Variants in SAE1 observed in about 807,000 individuals in gnomAD.
The protein encoded by SAE1 is SUMO1 activating enzyme subunit 1, also known as SUMO-activating enzyme subunit 1.
Under a neutral mutation model 40.6 loss-of-function variants are expected in SAE1, and 11 were observed. The ratio of observed to expected loss-of-function variants is 0.27; its 90% CI spans 0.17 to 0.45. SAE1 has a LOEUF of 0.45. Among genes scored for constraint, SAE1 ranks in the 20% least tolerant of loss-of-function variants. The pLI is 1.00. For missense variants in SAE1, 373 were observed against 427.3 expected, an observed-to-expected ratio of 0.87 and a Z score of 1.12; for synonymous variants, 155 against 154.3, an observed-to-expected ratio of 1.00 and a Z score of -0.03.
At chr19:47,188,261 G>A (rs2058556466) in intron 6 of SAE1, among the ~76,000 whole-genome samples, 2 of 152,022 alleles carry the variant, frequency 1.3e-5, no homozygotes, top group Non-Finnish European at 2.9e-5. Context: ...TGAGGCAGGA[G>A]GATCACTTGA....
At chr19:47,173,132 G>A (rs960424320) in intron 6 of SAE1, among the ~76,000 whole-genome samples, 2 of 152,106 alleles carry the variant, frequency 1.3e-5, no homozygotes, top group East Asian at 1.9e-4. Context: ...GGGTTCGAGC[G>A]ATTCTACAGG....
chr19:47,155,652 G>T (rs2058318100), intron 5 of SAE1, among the ~76,000 whole-genome samples: 1 of 151,894 alleles, frequency 6.6e-6, no homozygotes, highest in African/African-American at 2.4e-5. Flanking sequence ...ATGTTGGCCA[G>T]GCTGGTCTCG....
chr19:47,136,224 C>T (rs561254638), intron 1 of SAE1, among the ~76,000 whole-genome samples: 2 of 151,952 alleles, frequency 1.3e-5, no homozygotes, highest in South Asian at 4.2e-4. Flanking sequence ...GTACAATCTC[C>T]ACCTCCCAGG....
At chr19:47,168,375 C>A (rs1262745983) in intron 5 of SAE1, among the ~76,000 whole-genome samples, 3 of 151,898 alleles carry the variant, frequency 2.0e-5, no homozygotes, top group Non-Finnish European at 4.4e-5. Flanking sequence ...TACGATCTGG[C>A]TCACTGCAGC....
At chr19:47,157,130 C>T (rs911338896) in intron 5 of SAE1, among the ~76,000 whole-genome samples, 35 of 152,160 alleles carry the variant, frequency 2.3e-4, no homozygotes, top group African/African-American at 8.4e-4. Context: ...AGCAAGGCGG[C>T]GTTGGAGATT....
chr19:47,174,186 C>T (rs1428697139), intron 6 of SAE1, among the ~76,000 whole-genome samples: 2 of 152,004 alleles, frequency 1.3e-5, no homozygotes, highest in Non-Finnish European at 2.9e-5. Context: ...TTACCACTCT[C>T]TCCCAGATGG....
intron 6 of SAE1, among the ~76,000 whole-genome samples, chr19:47,175,706 C>T (rs1012154604): frequency 1.2e-4 from 18 of 152,178 alleles, no homozygotes; most frequent in Admixed American, 2.6e-4. Flanking sequence ...CACTGCACTC[C>T]AGCCTGGGCA....
At chr19:47,163,720 C>G (rs1016061606) in intron 5 of SAE1, among the ~76,000 whole-genome samples, 1 of 149,644 alleles carries the variant, frequency 6.7e-6, no homozygotes, top group African/African-American at 2.6e-5. Context: ...GAGCAAGACT[C>G]TATCTCAAAA....
At chr19:47,206,406 G>A (rs922325696) in intron 8 of SAE1, among the ~76,000 whole-genome samples, 7 of 152,212 alleles carry the variant, frequency 4.6e-5, no homozygotes, top group African/African-American at 1.7e-4. Context: ...TCTCTCCTGA[G>A]GCACTGTCTG....
intron 6 of SAE1, among the ~76,000 whole-genome samples, chr19:47,187,291 C>T (rs2058550237): frequency 1.3e-5 from 2 of 152,170 alleles, no homozygotes. Context: ...GTTCTGCACC[C>T]TAGCCCTCAG....
At chr19:47,174,542 A>G (rs1260600875) in intron 6 of SAE1, among the ~76,000 whole-genome samples, 5 of 141,558 alleles carry the variant, frequency 3.5e-5, no homozygotes, top group Non-Finnish European at 6.1e-5. Context: ...GATTACAGGC[A>G]TATGTCACCA....
chr19:47,142,384 TAA>T (rs371221556), intron 1 of SAE1: 357 of 140,348 alleles, frequency 2.5e-3, no homozygotes, highest in Non-Finnish European at 3.2e-3. Context: ...ACTCTGTCTT[TAA>T]AAAAAAAAAA....
chr19:47,175,065 A>G (rs1319719926), intron 6 of SAE1, among the ~76,000 whole-genome samples: 7 of 151,280 alleles, frequency 4.6e-5, no homozygotes, highest in African/African-American at 1.7e-4. Flanking sequence ...TTAAGATCAA[A>G]GTTAGCACAT....
chr19:47,185,179 T>G (rs1170397470), intron 6 of SAE1, among the ~76,000 whole-genome samples: 2 of 152,232 alleles, frequency 1.3e-5, no homozygotes, highest in Non-Finnish European at 2.9e-5. Flanking sequence ...GTCTAAAATC[T>G]CTGTTTCAAC....
intron 1 of SAE1, among the ~76,000 whole-genome samples, chr19:47,131,694 A>G (rs2058144201): frequency 8.3e-6 from 1 of 120,774 alleles, no homozygotes; most frequent in South Asian, 2.7e-4. Context: ...AGCTTAGGGA[A>G]TTCTTTTTTT....
intron 5 of SAE1, among the ~76,000 whole-genome samples, chr19:47,160,449 C>T (rs1207695272): frequency 2.8e-5 from 4 of 140,788 alleles, no homozygotes; most frequent in Middle Eastern, 3.9e-3. Context: ...GGCTGGAGTG[C>T]AGTGGTGCGA....
intron 8 of SAE1, among the ~76,000 whole-genome samples, chr19:47,205,672 G>A (rs1005912213): frequency 3.9e-5 from 6 of 152,130 alleles, no homozygotes; most frequent in African/African-American, 1.2e-4. Flanking sequence ...CTAAAATGAC[G>A]ACACCACCAA....
intron 6 of SAE1, among the ~76,000 whole-genome samples, chr19:47,194,014 CTG>C (rs1254707093): frequency 3.9e-5 from 6 of 151,914 alleles, no homozygotes; most frequent in Middle Eastern, 6.8e-3. Flanking sequence ...ACCTGGGCAT[CTG>C]TGGTTTGAGA....
At chr19:47,204,763 T>TG (rs938960090) in intron 8 of SAE1, among the ~76,000 whole-genome samples, 1 of 152,090 alleles carries the variant, frequency 6.6e-6, no homozygotes, top group African/African-American at 2.4e-5. Context: ...CCCAAAGTGC[T>TG]GGGATTATAG....
Sources: allele counts gnomAD v4.1 joint callset (sites outside exome capture counted in the v4.1 genomes callset), GRCh38; gene constraint gnomAD v4.1.1; transcripts MANE v1.5; gene names NCBI Gene and HGNC (gene_info 2026-07-23, HGNC 2026-07-21).